The following TMEM185B variants were observed in gnomAD, a reference collection of about 807,000 sequenced individuals.
TMEM185B encodes transmembrane protein 185B, also known as ee3_2.
A neutral mutation model predicts 26.2 loss-of-function variants in TMEM185B; 9 were observed. The ratio of observed to expected loss-of-function variants is 0.34; its 90% CI spans 0.21 to 0.60. The LOEUF is 0.60. Among genes scored for constraint, TMEM185B ranks in the 20% least tolerant of loss-of-function variants. The pLI, the probability that TMEM185B is intolerant of heterozygous loss-of-function variation, is 0.80. For synonymous variants in TMEM185B, 204 were observed against 191.8 expected (o/e 1.06, Z -0.52); for missense variants, 392 against 447.9 (o/e 0.88, Z 1.13).
Position 120,221,907 on chromosome 2 carries a change from G to A in TMEM185B, c.*17C>T. 1 of 1,499,240 alleles carries A rather than the reference G, an allele frequency of 6.7e-7. No homozygotes were observed. Among genetic ancestry groups the A allele is most frequent in the Non-Finnish European group, 8.9e-7 (1 of 1,128,922 alleles). 92.9% of individuals were successfully genotyped at this position (1,499,240 alleles called of 1,614,324 possible). On this transcript the variant is annotated 3_prime_UTR_variant, in exon 1 of 1. Transcript: ENST00000426077. The stretch of plus-strand genomic sequence containing the variant: ...GGCCAAGTGGAGTCTGTGTGTGCCT[G>A]GGTCCTCTCTAGGAGTTTAATCTGG...
rs185020190 is a variant in TMEM185B, at chr2:120,217,930, A to G, written c.*3994T>C. Among the ~76,000 whole-genome samples, 173 of 152,264 alleles carry G rather than the reference A, an allele frequency of 1.1e-3. No homozygotes were observed. The highest frequency in any genetic ancestry group is 3.6e-3 in the African/African-American group (150 of 41,542). On this transcript the variant is annotated 3_prime_UTR_variant, in exon 1 of 1. Coordinates refer to ENST00000426077, the MANE Select transcript of TMEM185B (RefSeq NM_024121.3). ...CTTGGCATTGCCTCTCTTTTCTCCT[A>G]GGGAAGGGATAAACCACTGTCTTTT...
chr2:120,222,339 A>G lies in TMEM185B; in HGVS notation c.638T>C (p.Met213Thr). Residue 213 changes from methionine (M) to threonine (T), a missense_variant, in exon 1 of 1, where the codon ATG (methionine) becomes ACG (threonine). Coordinates refer to ENST00000426077, the MANE Select transcript of TMEM185B (RefSeq NM_024121.3). ...GACAATCGTTATCCAACTGATAGCC[A>G]TGGTCACGTGTGTTCTCCGCTGCTC... ...VAEQRRTHVT[M>T]AISWITIVVP... 1 of 1,536,178 alleles carries G rather than the reference A, an allele frequency of 6.5e-7. No individual in the cohort carries two copies. Among genetic ancestry groups the G allele is most frequent in the Middle Eastern group, 1.7e-4 (1 of 5,990 alleles).
In TMEM185B at chr2:120,218,151, C is replaced by G. The variant is rs1688531229; in HGVS notation, c.*3773G>C. ...CCCCCTCCTCCTCGAGACAAAGGAG[C>G]CAGATGCTCTCTCCTCGCATGTTCT... On this transcript the variant is annotated 3_prime_UTR_variant, in exon 1 of 1. Transcript: ENST00000426077. Among the ~76,000 whole-genome samples the G allele has an allele frequency of 6.6e-6, 1 of 152,222 alleles. No individual in the cohort carries two copies. The highest frequency in any genetic ancestry group is 1.5e-5 in the Non-Finnish European group (1 of 68,042).
chr2:120,221,993 T>C lies in TMEM185B; in HGVS notation c.984A>G (p.Val328=). 1 of 1,538,438 alleles carries C rather than the reference T, an allele frequency of 6.5e-7. No homozygotes were observed. Among genetic ancestry groups the C allele is most frequent in the Non-Finnish European group, 8.7e-7 (1 of 1,146,922 alleles). Residue 328 remains valine, a synonymous_variant, in exon 1 of 1, where the codon GTA becomes GTG. Coordinates refer to ENST00000426077, the MANE Select transcript of TMEM185B (RefSeq NM_024121.3). ...ATTTCCCAGGGCTCTGGGTTATAAC[T>C]ACTCTGGCCTTCTTTCCAAATATTG... ...IAPIFGKKAR[V]VITQSPGKYV... is the part of the protein sequence containing the mutation.
chr2:120,222,908 G>C lies in TMEM185B; in HGVS notation c.69C>G (p.Leu23=). The C allele has an allele frequency of 6.9e-7, 1 of 1,455,170 alleles. No individual in the cohort carries two copies. The highest frequency in any genetic ancestry group is 9.0e-7 in the Non-Finnish European group (1 of 1,111,520). The allele number at this position is 1,455,170 out of a possible 1,614,324, so 90.1% of individuals were successfully genotyped here. A position where few individuals can be genotyped will look rare whatever the true frequency, so the allele number is the denominator to read the frequency against. ...SKFLIYTCLL[L]FSVLLPLRLD... is the part of the protein sequence containing the mutation. Reference sequence around the variant, plus strand: ...GGCGGAGGGGCAGCAGCACCGAGAAGAGCAGCAGGCAGGTGTAGATGAGAA... The same window carrying C: ...GGCGGAGGGGCAGCAGCACCGAGAACAGCAGCAGGCAGGTGTAGATGAGAA... The change falls in exon 1 of 1, where the codon CTC becomes CTG. Residue 23 remains leucine (L), a synonymous_variant. Coordinates refer to ENST00000426077, the MANE Select transcript of TMEM185B (RefSeq NM_024121.3).
chr2:120,217,598 C>T lies in TMEM185B; in HGVS notation c.*4326G>A, dbSNP rs557168992. On this transcript the variant is annotated 3_prime_UTR_variant, in exon 1 of 1. Coordinates refer to ENST00000426077, the MANE Select transcript of TMEM185B (RefSeq NM_024121.3). ...TATATTTCATCAGTAGGAGTGGCAT[C>T]GTTTTACATTTTTGCAGATCCTTAA... Among the ~76,000 whole-genome samples, 3 of 152,312 alleles carry T rather than the reference C, an allele frequency of 2.0e-5. No individual in the cohort carries two copies. In the East Asian group the frequency reaches 5.8e-4, roughly 29 times the overall value.
In TMEM185B at chr2:120,218,923, C is replaced by T. The variant is rs1688541819; in HGVS notation, c.*3001G>A. Among the ~76,000 whole-genome samples, 1 of 152,224 alleles carries T rather than the reference C, an allele frequency of 6.6e-6. No homozygotes were observed. Among genetic ancestry groups the T allele is most frequent in the Non-Finnish European group, 1.5e-5 (1 of 68,048 alleles). ...TGTTCCTTGGCCATGCACTGCCTCA[C>T]CCCACAGAGGTCAGGCATGGCCATG... On this transcript the variant is annotated 3_prime_UTR_variant, in exon 1 of 1. Coordinates refer to ENST00000426077, the MANE Select transcript of TMEM185B (RefSeq NM_024121.3).
chr2:120,222,754 C>G lies in TMEM185B; in HGVS notation c.223G>C (p.Gly75Arg), dbSNP rs1005563459. ...GCTTTGAACTCCACACAGGCCTCTC[C>G]CTCGGTGCGGTAGCGAGGGTTGCGG... is the stretch of plus-strand genomic sequence containing the variant. ...WARNPRYRTEGEACVEFKAML... is the reference protein window; with the variant it reads ...WARNPRYRTEREACVEFKAML... Residue 75 changes from glycine to arginine, a missense_variant, in exon 1 of 1, where the codon GGA (glycine) becomes CGA (arginine). Physicochemically the swap from Gly to Arg is moderately radical, Grantham distance 125 (BLOSUM62 -2). This residue lies in a region of TMEM185B where 175 missense variants were observed against 169.1 expected (regional missense o/e 1.03). Transcript: ENST00000426077. 1.3e-6 allele frequency: 2 copies of G among 1,536,342 alleles called. No individual in the cohort carries two copies. Among genetic ancestry groups the G allele is most frequent in the Non-Finnish European group, 1.7e-6 (2 of 1,146,994 alleles).
In TMEM185B at chr2:120,218,254, G is replaced by C. The variant is rs1285271132; in HGVS notation, c.*3670C>G. Among the ~76,000 whole-genome samples, 2 of 152,222 alleles carry C rather than the reference G, an allele frequency of 1.3e-5. No homozygotes were observed. The highest frequency in any genetic ancestry group is 4.8e-5 in the African/African-American group (2 of 41,452). ...CCTGGTACTTAACCTTAAGCTCATGGCAGACAGCTGAGGAAGTACTCGCAG... is the reference window on the plus strand; with the variant it reads ...CCTGGTACTTAACCTTAAGCTCATGCCAGACAGCTGAGGAAGTACTCGCAG... On this transcript the variant is annotated 3_prime_UTR_variant, in exon 1 of 1. Transcript: ENST00000426077.
Position 120,221,118 on chromosome 2 carries a change from C to T in TMEM185B, c.*806G>A, listed in dbSNP as rs1405521917. ...GGGCAGTGGCCTCTTCCTCTACTAACGGGTACTACCAGAGACCTTGGTTAC... is the reference window on the plus strand; with the variant it reads ...GGGCAGTGGCCTCTTCCTCTACTAATGGGTACTACCAGAGACCTTGGTTAC... On this transcript the variant is annotated 3_prime_UTR_variant, in exon 1 of 1. Transcript: ENST00000426077. 4.6e-5 allele frequency among the ~76,000 whole-genome samples: 7 copies of T among 152,206 alleles called. No homozygotes were observed. The highest frequency in any genetic ancestry group is 2.1e-4 in the South Asian group (1 of 4,832).
rs888715537 is a variant in TMEM185B at position 120,221,967 on chromosome 2, T to A, written c.1010A>T (p.Tyr337Phe). The A allele has an allele frequency of 6.5e-7, 1 of 1,535,082 alleles. No individual in the cohort carries two copies. The highest frequency in any genetic ancestry group is 1.4e-5 in the African/African-American group (1 of 72,864). ...ATTTAACTTGGGAGGGGGGGGAACG[T>A]ATTTCCCAGGGCTCTGGGTTATAAC... ...RVVITQSPGK[Y>F]VPPPPKLNID... The change falls in exon 1 of 1, where the codon TAC becomes TTC. Residue 337 changes from tyrosine (Y) to phenylalanine (F), a missense_variant. Physicochemically the swap from Tyr to Phe is conservative, Grantham distance 22 (BLOSUM62 3). This residue lies in a region of TMEM185B where 176 missense variants were observed against 201.6 expected (regional missense o/e 0.87). Coordinates refer to ENST00000426077, the MANE Select transcript of TMEM185B (RefSeq NM_024121.3).
At position 120,222,818 on chromosome 2, in the gene TMEM185B, T is replaced by C; in HGVS notation, c.159A>G (p.Leu53=). The C allele has an allele frequency of 6.6e-7, 1 of 1,525,792 alleles. No individual in the cohort carries two copies. The allele number at this position is 1,525,792 out of a possible 1,614,324, so 94.5% of individuals were successfully genotyped here. A position where few individuals can be genotyped will look rare whatever the true frequency, so the allele number is the denominator to read the frequency against. Residue 53 remains leucine, a synonymous_variant, in exon 1 of 1, where the codon CTA becomes CTG. Transcript: ENST00000426077. ...VFAPIWLWKL[L]VVAGASVGAG... is the part of the protein sequence containing the mutation. The stretch of plus-strand genomic sequence containing the variant: ...CGCCCACGGAGGCGCCTGCGACGAC[T>C]AGAAGCTTCCACAGCCATATGGGGG...
rs1204288068 is a variant in TMEM185B, at chr2:120,220,688, TTG to T, written c.*1234_*1235del. ...AGGCTGCGGCGAGCTGAGATCAAGA[TTG>T]TGCCATTGCACTCCAGCCTGGGCAA... On this transcript the variant is annotated 3_prime_UTR_variant, in exon 1 of 1. Transcript: ENST00000426077. Among the ~76,000 whole-genome samples the T allele has an allele frequency of 6.6e-6, 1 of 152,200 alleles. No homozygotes were observed. Among genetic ancestry groups the T allele is most frequent in the Non-Finnish European group, 1.5e-5 (1 of 68,036 alleles).
Position 120,222,926 on chromosome 2 carries a change from G to C in TMEM185B, c.51C>G (p.Ile17Met). The C allele has an allele frequency of 1.4e-6, 2 of 1,448,386 alleles. No individual in the cohort carries two copies. Among genetic ancestry groups the C allele is most frequent in the Non-Finnish European group, 1.8e-6 (2 of 1,107,626 alleles). The allele number at this position is 1,448,386 out of a possible 1,614,324, so 89.7% of individuals were successfully genotyped here. The change falls in exon 1 of 1, where the codon ATC (isoleucine) becomes ATG (methionine). Residue 17 changes from isoleucine (I) to methionine (M), a missense_variant. By Grantham distance (10) the Ile-to-Met change is conservative. Transcript: ENST00000426077. Reference protein sequence around the residue: ...FQDFNPSKFLIYTCLLLFSVL... With the variant: ...FQDFNPSKFLMYTCLLLFSVL... ...CCGAGAAGAGCAGCAGGCAGGTGTAGATGAGAAACTTACTGGGGTTGAAGT... is the reference window on the plus strand; with the variant it reads ...CCGAGAAGAGCAGCAGGCAGGTGTACATGAGAAACTTACTGGGGTTGAAGT...
rs1437421 is a variant in TMEM185B, at chr2:120,218,255, C to A, written c.*3669G>T. ...CTGGTACTTAACCTTAAGCTCATGGCAGACAGCTGAGGAAGTACTCGCAGC... is the reference window on the plus strand; with the variant it reads ...CTGGTACTTAACCTTAAGCTCATGGAAGACAGCTGAGGAAGTACTCGCAGC... On this transcript the variant is annotated 3_prime_UTR_variant, in exon 1 of 1. Transcript: ENST00000426077. Among the ~76,000 whole-genome samples, 90,805 of 152,070 alleles carry A rather than the reference C, an allele frequency of 0.6. 28,153 individuals are homozygous for A. The highest frequency in any genetic ancestry group is 0.71 in the Middle Eastern group (210 of 294).
At position 120,218,709 on chromosome 2, in the gene TMEM185B, GTC is replaced by G. The variant is rs1338886613; in HGVS notation, c.*3213_*3214del. 6.6e-6 allele frequency among the ~76,000 whole-genome samples: 1 copy of G among 152,232 alleles called. No homozygotes were observed. The highest frequency in any genetic ancestry group is 1.5e-5 in the Non-Finnish European group (1 of 68,042). On this transcript the variant is annotated 3_prime_UTR_variant, in exon 1 of 1. Coordinates refer to ENST00000426077, the MANE Select transcript of TMEM185B (RefSeq NM_024121.3). ...GCTAACTGAGGGGCTGGAATGCAGG[GTC>G]TTTCTCATCTCACCTCAAATCCCCA...
Position 120,222,174 on chromosome 2 carries a change from T to G in TMEM185B, c.803A>C (p.Asn268Thr). 3.2e-6 allele frequency: 5 copies of G among 1,553,148 alleles called. No individual in the cohort carries two copies. The highest frequency in any genetic ancestry group is 4.3e-6 in the Non-Finnish European group (5 of 1,152,224). Residue 268 changes from asparagine (N) to threonine (T), a missense_variant, in exon 1 of 1, where the codon AAT (asparagine) becomes ACT (threonine). Asn to Thr is a moderately conservative substitution (Grantham distance 65). This residue lies in a region of TMEM185B where 176 missense variants were observed against 201.6 expected (regional missense o/e 0.87). Transcript: ENST00000426077. ...TCTGCGAATGCCAAACCACCAATGA[T>G]TGCCCCCCTTTCGCCTAAATGTTGT... Reference protein sequence around the residue: ...MATTFRRKGGNHWWFGIRRDF... With the variant: ...MATTFRRKGGTHWWFGIRRDF...
rs1688580036 is a variant in TMEM185B at position 120,221,205 on chromosome 2, G to C, written c.*719C>G. ...CCCTACATTCATGCCTAGTACTTTG[G>C]TAAGATCCACACCAGGCACATACTG... is the stretch of plus-strand genomic sequence containing the variant. On this transcript the variant is annotated 3_prime_UTR_variant, in exon 1 of 1. Transcript: ENST00000426077. 1 of 151,690 alleles carries C rather than the reference G, an allele frequency of 6.6e-6. No individual in the cohort carries two copies. Among genetic ancestry groups the C allele is most frequent in the Admixed American group, 6.6e-5 (1 of 15,260 alleles). The allele number at this position is 151,690 out of a possible 1,614,324, so 9.4% of individuals were successfully genotyped here. A position where few individuals can be genotyped will look rare whatever the true frequency, so the allele number is the denominator to read the frequency against.
Position 120,223,065 on chromosome 2 carries a change from G to A in TMEM185B, c.-89C>T, listed in dbSNP as rs1268132450. On this transcript the variant is annotated 5_prime_UTR_variant, in exon 1 of 1. Coordinates refer to ENST00000426077, the MANE Select transcript of TMEM185B (RefSeq NM_024121.3). ...GCGGCTTCTCCGGCCGCCGCCTCCC[G>A]GGCCCCGCCCAAGCCGGCTCCGCGT... 7.5e-6 allele frequency: 8 copies of A among 1,060,496 alleles called. No individual in the cohort carries two copies. The highest frequency in any genetic ancestry group is 9.8e-6 in the Non-Finnish European group (8 of 814,632). 65.7% of individuals were successfully genotyped at this position (1,060,496 alleles called of 1,614,324 possible).
Sources: gnomAD v4.1 joint callset for allele counts (sites outside exome capture counted in the v4.1 genomes callset) on GRCh38, gnomAD v4.1.1 for gene constraint, gnomAD v4.1.1 regional missense constraint, MANE v1.5 for transcripts, NCBI Gene and HGNC (gene_info 2026-07-23, HGNC 2026-07-21) for gene names.